The following RBFOX1 variants were observed in gnomAD, a reference collection of about 807,000 sequenced individuals.
RBFOX1 encodes the protein RNA binding fox-1 homolog 1, also known as RNA binding protein fox-1 homolog 1.
Under a neutral mutation model 57.7 loss-of-function variants are expected in RBFOX1, and 8 were observed. The ratio of observed to expected loss-of-function variants is 0.14; its 90% CI spans 0.08 to 0.25. RBFOX1 has a LOEUF of 0.25. Among genes scored for constraint, RBFOX1 ranks in the 10% least tolerant of loss-of-function variants. The pLI, the probability that RBFOX1 is intolerant of heterozygous loss-of-function variation, is 1.00. For synonymous variants in RBFOX1, 326 were observed against 222.4 expected, an observed-to-expected ratio of 1.47 and a Z score of -4.15; for missense variants, 611 against 548.5, an observed-to-expected ratio of 1.11 and a Z score of -1.14.
At chr16:5,425,109 C>CTATT (rs1597009996) in intron 1 of RBFOX1, among the ~76,000 whole-genome samples, 4 of 141,708 alleles carry the variant, frequency 2.8e-5, no homozygotes, top group South Asian at 2.3e-4. Context: ...ATCTATCTAT[C>CTATT]TATCTATCTA....
intron 3 of RBFOX1, among the ~76,000 whole-genome samples, chr16:6,809,248 C>T (rs539294011): frequency 6.6e-6 from 1 of 152,264 alleles, no homozygotes; most frequent in African/African-American, 2.4e-5. Flanking sequence ...ATTCTGGGGG[C>T]TGCCTTCTGA....
rs374199405 is a variant in RBFOX1 at position 7,481,800 on chromosome 16, T to G, written c.28-36347T>G. ...CTTAACACCCCTCACCTACTCAACATCACAGCTTAGCCTAGCCTGCCTTAA... is the reference window on the plus strand; with the variant it reads ...CTTAACACCCCTCACCTACTCAACAGCACAGCTTAGCCTAGCCTGCCTTAA... On this transcript the variant is annotated intron_variant, in intron 4 of 15. Transcript: ENST00000550418. 1.2e-4 allele frequency among the ~76,000 whole-genome samples: 19 copies of G among 152,270 alleles called. 1 individual carries two copies. In the South Asian group the frequency reaches 3.5e-3, roughly 28 times the overall value.
chr16:6,003,770 C>G (rs1202939249), intron 4 of RBFOX1, among the ~76,000 whole-genome samples: 2 of 152,208 alleles, frequency 1.3e-5, no homozygotes, highest in Non-Finnish European at 2.9e-5. Flanking sequence ...GGGTCTCAAT[C>G]TCAAATGCCT....
chr16:6,279,466 C>G (rs938177181), intron 1 of RBFOX1, among the ~76,000 whole-genome samples: 3 of 152,136 alleles, frequency 2.0e-5, no homozygotes, highest in Admixed American at 6.6e-5. Flanking sequence ...GCCCTGTTGC[C>G]TTGGAGTTTG....
intron 1 of RBFOX1, among the ~76,000 whole-genome samples, chr16:6,154,207 G>A (rs1052109296): frequency 6.6e-6 from 1 of 152,196 alleles, no homozygotes; most frequent in Non-Finnish European, 1.5e-5. Context: ...TGCAAAATGG[G>A]TAACTGTCAC....
At chr16:5,759,661 C>T (rs1031822934) in intron 3 of RBFOX1, among the ~76,000 whole-genome samples, 3 of 152,218 alleles carry the variant, frequency 2.0e-5, no homozygotes, top group African/African-American at 7.2e-5. Flanking sequence ...TGCTGATCTC[C>T]TTTCCTGTCT....
rs139498236 is a variant in RBFOX1 at position 5,282,894 on chromosome 16, T to A, written c.219+42789T>A. The stretch of plus-strand genomic sequence containing the variant: ...ATGAGGAGCCAAGTGTGAATCCCCG[T>A]CAATGGGGAAAATGTCTCCAGGGCA... On this transcript the variant is annotated intron_variant, in intron 1 of 2. Transcript: ENST00000585867. Among the ~76,000 whole-genome samples the A allele has an allele frequency of 8.0e-4, 122 of 152,234 alleles. 2 individuals carry two copies. In the East Asian group the frequency reaches 0.022, roughly 27 times the overall value.
At chr16:6,860,691 G>C (rs749815452) in intron 3 of RBFOX1, among the ~76,000 whole-genome samples, 9 of 152,150 alleles carry the variant, frequency 5.9e-5, no homozygotes, top group Non-Finnish European at 1.3e-4. Flanking sequence ...CAAAAGTCAT[G>C]TCTGGTGTGT....
chr16:6,456,609 C>G (rs1050837293), intron 2 of RBFOX1, among the ~76,000 whole-genome samples: 2 of 152,152 alleles, frequency 1.3e-5, no homozygotes, highest in South Asian at 2.1e-4. Flanking sequence ...AAAGATAACT[C>G]TCCCTGCAGT....
chr16:6,474,524 A>C (rs919032919), intron 2 of RBFOX1, among the ~76,000 whole-genome samples: 2 of 152,310 alleles, frequency 1.3e-5, no homozygotes, highest in South Asian at 4.1e-4. Flanking sequence ...CCAGCCACTT[A>C]TGTTAAATAA....
intron 3 of RBFOX1, among the ~76,000 whole-genome samples, chr16:7,000,178 A>G (rs915084620): frequency 1.3e-5 from 2 of 152,152 alleles, no homozygotes; most frequent in Non-Finnish European, 2.9e-5. Flanking sequence ...GGAAAAAAAA[A>G]GTACTGTCAT....
intron 2 of RBFOX1, among the ~76,000 whole-genome samples, chr16:6,510,073 A>G (rs1360195761): frequency 1.3e-5 from 2 of 152,118 alleles, no homozygotes; most frequent in East Asian, 1.9e-4. Flanking sequence ...CTTCCTAGGG[A>G]TGCTTATAGT....
In RBFOX1 at chr16:7,177,057, A is replaced by G. The variant is rs9931090; in HGVS notation, c.27+124959A>G. ...TCAGGAACCACCCCAGGTTGCAAAT[A>G]AATTCAGACATTGCCTGTCATAAAA... On this transcript the variant is annotated intron_variant, in intron 4 of 15. Coordinates refer to ENST00000550418, the MANE Select transcript of RBFOX1 (RefSeq NM_018723.4). 7.1e-3 allele frequency among the ~76,000 whole-genome samples: 1,074 copies of G among 152,338 alleles called. 14 individuals are homozygous for G. The highest frequency in any genetic ancestry group is 0.025 in the African/African-American group (1,029 of 41,580).
At chr16:6,930,241 C>G (rs933117380) in intron 3 of RBFOX1, among the ~76,000 whole-genome samples, 2 of 152,142 alleles carry the variant, frequency 1.3e-5, no homozygotes, top group African/African-American at 4.8e-5. Flanking sequence ...GAAAAGCAAA[C>G]AAGCTGACTC....
At chr16:7,022,500 C>G (rs1353209886) in intron 3 of RBFOX1, among the ~76,000 whole-genome samples, 1 of 152,116 alleles carries the variant, frequency 6.6e-6, no homozygotes, top group East Asian at 1.9e-4. Flanking sequence ...CTTTTTCTTT[C>G]TTTATACTCC....
rs552688999 is a variant in RBFOX1, at chr16:6,423,457, G to C, written c.-64+106400G>C. Among the ~76,000 whole-genome samples the C allele has an allele frequency of 9.0e-4, 137 of 152,144 alleles. 1 individual carries two copies. The highest frequency in any genetic ancestry group is 2.0e-3 in the Admixed American group (31 of 15,282). On this transcript the variant is annotated intron_variant, in intron 2 of 15. Transcript: ENST00000550418. ...CTACTAAAAATACAAAAATTAACCAGGTTTGATGGTGCATGTCTGTAATCC... is the reference window on the plus strand; with the variant it reads ...CTACTAAAAATACAAAAATTAACCACGTTTGATGGTGCATGTCTGTAATCC...
intron 10 of RBFOX1, among the ~76,000 whole-genome samples, chr16:7,620,690 T>C (rs1307585357): frequency 6.6e-6 from 1 of 152,210 alleles, no homozygotes; most frequent in East Asian, 1.9e-4. Context: ...TAATGGATAT[T>C]GATCATTCTC....
At chr16:5,906,152 C>T (rs1273775599) in intron 4 of RBFOX1, among the ~76,000 whole-genome samples, 4 of 152,130 alleles carry the variant, frequency 2.6e-5, no homozygotes, top group Non-Finnish European at 4.4e-5. Context: ...TGAGTCATGC[C>T]TCCCCCAGAC....
At chr16:7,159,291 G>T (rs963179946) in intron 4 of RBFOX1, among the ~76,000 whole-genome samples, 1 of 152,130 alleles carries the variant, frequency 6.6e-6, no homozygotes, top group Admixed American at 6.5e-5. Flanking sequence ...GCAGGAGAGG[G>T]TGCCATTGTC....
Sources: gnomAD v4.1 joint callset for allele counts (sites outside exome capture counted in the v4.1 genomes callset) on GRCh38, gnomAD v4.1.1 for gene constraint, MANE v1.5 for transcripts, NCBI Gene and HGNC (gene_info 2026-07-23, HGNC 2026-07-21) for gene names.